The following CHD1L variants were observed in gnomAD, a reference collection of about 807,000 sequenced individuals.
CHD1L encodes the protein chromodomain helicase DNA binding protein 1 like, also known as ATP-dependent chromatin remodeler CHD1L.
Under a neutral mutation model 115.9 loss-of-function variants are expected in CHD1L, and 118 were observed. The observed-to-expected ratio is 1.02, with a 90% CI of 0.88 to 1.19. CHD1L has a LOEUF of 1.19. Among genes scored for constraint, CHD1L ranks in the 50% most tolerant of loss-of-function variants. The pLI is 0.00. For missense variants in CHD1L, 1,179 were observed against 1,065.3 expected (o/e 1.11, Z -1.49); for synonymous variants, 411 against 387.1 (o/e 1.06, Z -0.72).
chr1:147,279,198 C>T (rs587708668), intron 14 of CHD1L, among the ~76,000 whole-genome samples: 2 of 152,242 alleles, frequency 1.3e-5, no homozygotes, highest in South Asian at 4.1e-4. Flanking sequence ...AAGTTACTCA[C>T]AAAATAGACG....
chr1:147,290,901 CCTCAGCCTCCCAA>C (rs1193056367), intron 19 of CHD1L, among the ~76,000 whole-genome samples: 1 of 152,176 alleles, frequency 6.6e-6, no homozygotes, highest in Non-Finnish European at 1.5e-5. Flanking sequence ...AATCCTCCCA[CCTCAGCCTCCCAA>C]AGCACTGGGA....
Position 147,286,509 on chromosome 1 carries a change from A to G in CHD1L, c.2221+9A>G. The G allele has an allele frequency of 1.2e-6, 2 of 1,612,724 alleles. No individual in the cohort carries two copies. The highest frequency in any genetic ancestry group is 1.7e-6 in the Non-Finnish European group (2 of 1,179,754). ...CATTGTGCACTGCGTAGGTACGAGA[A>G]GTGGTATGGGCTGGGGATGGGGGCC... On this transcript the variant is annotated intron_variant, in intron 18 of 22. Coordinates refer to ENST00000369258, the MANE Select transcript of CHD1L (RefSeq NM_004284.6).
the CHD1L span, among the ~76,000 whole-genome samples, chr1:147,231,769 G>A: frequency 6.6e-6 from 1 of 152,108 alleles, no homozygotes; most frequent in East Asian, 1.9e-4. Flanking sequence ...CGTTCGCTAA[G>A]ACCATTGGAA....
chr1:147,230,992 G>T, the CHD1L span, among the ~76,000 whole-genome samples: 1 of 151,080 alleles, frequency 6.6e-6, no homozygotes, highest in Non-Finnish European at 1.5e-5. Flanking sequence ...AGGGTTTTTT[G>T]TGTCTCTATT....
At chr1:147,207,224 A>G in the CHD1L span, among the ~76,000 whole-genome samples, 3 of 152,190 alleles carry the variant, frequency 2.0e-5, no homozygotes, top group Non-Finnish European at 2.9e-5. Flanking sequence ...AAATGGTTTC[A>G]GAAAAAAATG....
chr1:147,195,730 C>T, the CHD1L span, among the ~76,000 whole-genome samples: 15 of 152,214 alleles, frequency 9.9e-5, no homozygotes, highest in African/African-American at 3.6e-4. Flanking sequence ...ATTTTGGCCA[C>T]ATCCAGTCCT....
chr1:147,285,293 A>G, intron 16 of CHD1L, 31 bp from the exon 17 acceptor site: 1 of 1,597,452 alleles, frequency 6.3e-7, no homozygotes, highest in Non-Finnish European at 8.5e-7. Flanking sequence ...AATCTTCTTG[A>G]CCCTGGTGAT....
intron 1 of CHD1L, among the ~76,000 whole-genome samples, chr1:147,247,399 C>A (rs1323416501): frequency 6.6e-6 from 1 of 152,070 alleles, no homozygotes; most frequent in African/African-American, 2.4e-5. Flanking sequence ...TGACTGACTT[C>A]TTACTTACTA....
intron 1 of CHD1L, among the ~76,000 whole-genome samples, chr1:147,248,210 A>ATTT (rs782741705): frequency 8.2e-4 from 123 of 149,890 alleles, no homozygotes; most frequent in Admixed American, 8.6e-4. Flanking sequence ...TGGAAGTCTT[A>ATTT]TTTTTTTTTT....
rs1381465990 is a variant in CHD1L at position 147,265,928 on chromosome 1, G to A, written c.740-4G>A. The A allele has an allele frequency of 1.9e-6, 3 of 1,592,690 alleles. No homozygotes were observed. The highest frequency in any genetic ancestry group is 2.6e-6 in the Non-Finnish European group (3 of 1,172,454). On this transcript the variant is annotated splice_polypyrimidine_tract_variant and splice_region_variant and intron_variant, in intron 7 of 22. Transcript: ENST00000369258. The stretch of plus-strand genomic sequence containing the variant: ...CACTTCTTGTATTTTTTTTTCTTAT[G>A]TAGCAAGTGAACTGCACAAACTCTT...
chr1:147,274,345 C>T (rs1254804742), intron 12 of CHD1L, among the ~76,000 whole-genome samples: 1 of 152,200 alleles, frequency 6.6e-6, no homozygotes, highest in Non-Finnish European at 1.5e-5. Context: ...TATAATTTAG[C>T]ATCTCTCAGT....
chr1:147,294,374 A>C, intron 21 of CHD1L, 35 bp from the exon 22 acceptor site: 1 of 1,489,114 alleles, frequency 6.7e-7, no homozygotes, highest in South Asian at 1.2e-5. Flanking sequence ...TCAATTTTTG[A>C]TGAGTGAAGA....
In CHD1L at chr1:147,291,496, G is replaced by T; in HGVS notation, c.2335G>T (p.Gly779Cys). ...TTTTACCTCAGACCTGAGTTTGGGA[G>T]GTGTCCTTTTATTTCCTGTTGATGA... is the stretch of plus-strand genomic sequence containing the variant. ...AGKMKDLSLG[G>C]VLLFPVDDKE... The change falls in exon 20 of 23, where the codon GGT (glycine) becomes TGT (cysteine). Residue 779 changes from glycine to cysteine, a missense_variant. Gly to Cys is a radical substitution (Grantham distance 159). Coordinates refer to ENST00000369258, the MANE Select transcript of CHD1L (RefSeq NM_004284.6). 6.2e-7 allele frequency: 1 copy of T among 1,613,874 alleles called. No homozygotes were observed. The highest frequency in any genetic ancestry group is 8.5e-7 in the Non-Finnish European group (1 of 1,179,830).
chr1:147,182,432 A>G, the CHD1L span, among the ~76,000 whole-genome samples: 53 of 152,348 alleles, frequency 3.5e-4, no homozygotes, highest in African/African-American at 1.2e-3. Context: ...GAACTGTTAT[A>G]TCATCTCAGG....
chr1:147,262,404 A>G lies in CHD1L; in HGVS notation c.577-2018A>G, dbSNP rs587612978. On this transcript the variant is annotated intron_variant, in intron 6 of 22. Transcript: ENST00000369258. Reference sequence around the variant, plus strand: ...CTTACAAAATACTATTTACAAACAGAGATGGTCTCTGAATCTTTACCCAGT... The same window carrying G: ...CTTACAAAATACTATTTACAAACAGGGATGGTCTCTGAATCTTTACCCAGT... Among the ~76,000 whole-genome samples, 3 of 152,294 alleles carry G rather than the reference A, an allele frequency of 2.0e-5. No individual in the cohort carries two copies. The East Asian group carries it at 5.8e-4, about 29-fold the overall frequency.
At chr1:147,285,607 G>T in intron 17 of CHD1L, 120 bp downstream of exon 17, 1 of 1,123,166 alleles carries the variant, frequency 8.9e-7, no homozygotes. Flanking sequence ...GTTCCTATTG[G>T]TAACAGAATA....
intron 19 of CHD1L, among the ~76,000 whole-genome samples, chr1:147,288,635 C>T (rs1684333274): frequency 6.6e-6 from 1 of 152,152 alleles, no homozygotes; most frequent in Admixed American, 6.5e-5. Flanking sequence ...GAGCTGAGAT[C>T]ATGCCATTGC....
the CHD1L span, among the ~76,000 whole-genome samples, chr1:147,218,392 T>C: frequency 2.7e-5 from 4 of 148,786 alleles, no homozygotes; most frequent in East Asian, 2.0e-4. Context: ...CGCGCCACTA[T>C]GCCTGGCTAA....
chr1:147,194,704 TG>T, the CHD1L span, among the ~76,000 whole-genome samples: 1 of 152,056 alleles, frequency 6.6e-6, no homozygotes. Context: ...GCAGGCCTGG[TG>T]GTCACAAAAT....
Sources: gnomAD v4.1 joint callset for allele counts (sites outside exome capture counted in the v4.1 genomes callset) on GRCh38, gnomAD v4.1.1 for gene constraint, MANE v1.5 for transcripts, NCBI Gene and HGNC (gene_info 2026-07-23, HGNC 2026-07-21) for gene names.